EPHA5: variants seen among roughly 807,000 people sequenced by gnomAD.
EPHA5 encodes the protein ephrin type-A receptor 5.
EPHA5 carries 60 observed loss-of-function variants against 105.0 expected under a neutral mutation model. The ratio of observed to expected loss-of-function variants is 0.57; its 90% CI spans 0.46 to 0.71. EPHA5 has a LOEUF of 0.71. EPHA5 is among the 30% of genes least tolerant of loss of function. The pLI is 0.00. For synonymous variants in EPHA5, 513 were observed against 449.1 expected (o/e 1.14, Z -1.80); for missense variants, 1,218 against 1,274.7 (o/e 0.96, Z 0.68).
intron 8 of EPHA5, among the ~76,000 whole-genome samples, chr4:65,370,475 AC>A (rs1289122243): frequency 6.6e-6 from 1 of 152,164 alleles, no homozygotes; most frequent in Non-Finnish European, 1.5e-5. Context: ...TTCTACAGAG[AC>A]CTGAAAGCTA....
At chr4:65,506,405 G>A (rs1488804481) in intron 3 of EPHA5, among the ~76,000 whole-genome samples, 3 of 145,692 alleles carry the variant, frequency 2.1e-5, no homozygotes, top group Non-Finnish European at 3.0e-5. Context: ...TCTAGTTCTA[G>A]ATCCCTGAGG....
chr4:65,601,635 T>A lies in EPHA5; in HGVS notation c.910+6A>T. ...AGCCCCTGCAGATCTGGAGGCAAAC[T>A]CTTACCTTGACAGGTGCCATTTTTC... On this transcript the variant is annotated splice_donor_region_variant and intron_variant, in intron 3 of 16. Transcript: ENST00000613740. The A allele has an allele frequency of 6.2e-7, 1 of 1,611,202 alleles. No homozygotes were observed. Among genetic ancestry groups the A allele is most frequent in the Non-Finnish European group, 8.5e-7 (1 of 1,177,832 alleles).
chr4:65,516,181 C>G lies in EPHA5; in HGVS notation c.911-20638G>C, dbSNP rs1300639860. ...ATCGACCTATAACTTTTGACTCCCC[C>G]AAAACTTAACTACTAACAGTCTACT... is the stretch of plus-strand genomic sequence containing the variant. On this transcript the variant is annotated intron_variant, in intron 3 of 16. Transcript: ENST00000613740. Among the ~76,000 whole-genome samples, 3 of 152,134 alleles carry G rather than the reference C, an allele frequency of 2.0e-5. No homozygotes were observed. The East Asian group carries it at 5.8e-4, about 29-fold the overall frequency.
At chr4:65,370,228 C>T (rs1718323759) in intron 8 of EPHA5, among the ~76,000 whole-genome samples, 1 of 152,028 alleles carries the variant, frequency 6.6e-6, no homozygotes, top group Non-Finnish European at 1.5e-5. Context: ...GAAACAAATA[C>T]ATTAAACCAT....
intron 1 of EPHA5, among the ~76,000 whole-genome samples, chr4:65,665,398 A>G (rs1749881799): frequency 6.6e-6 from 1 of 152,064 alleles, no homozygotes; most frequent in Admixed American, 6.6e-5. Context: ...TATTTAATTA[A>G]AAAGTTTGGA....
At chr4:65,349,901 C>A (rs1445707316) in intron 13 of EPHA5, among the ~76,000 whole-genome samples, 3 of 152,088 alleles carry the variant, frequency 2.0e-5, no homozygotes. Flanking sequence ...ATCCTCTGAT[C>A]ATCCTTCATG....
At chr4:65,350,426 A>G (rs1722708662) in intron 13 of EPHA5, among the ~76,000 whole-genome samples, 1 of 152,108 alleles carries the variant, frequency 6.6e-6, no homozygotes, top group Admixed American at 6.6e-5. Flanking sequence ...CAGTGGATGT[A>G]ATTTTTAAAA....
At chr4:65,364,990 A>G (rs1262892223) in intron 11 of EPHA5, 27 bp downstream of exon 11, 1 of 1,593,292 alleles carries the variant, frequency 6.3e-7, no homozygotes. Context: ...ATATGCACAC[A>G]CATGTATAAT....
chr4:65,509,033 T>C (rs144819175), intron 3 of EPHA5, among the ~76,000 whole-genome samples: 31 of 152,268 alleles, frequency 2.0e-4, no homozygotes, highest in Non-Finnish European at 2.8e-4. Flanking sequence ...CTCTTTTGAA[T>C]TGAAAATCTT....
At chr4:65,632,287 T>C (rs1446846699) in intron 2 of EPHA5, among the ~76,000 whole-genome samples, 2 of 152,034 alleles carry the variant, frequency 1.3e-5, no homozygotes, top group African/African-American at 4.8e-5. Context: ...AGTAGCCCCA[T>C]TGTTGTGTTT....
chr4:65,342,177 GTT>G (rs1721794669), intron 14 of EPHA5, among the ~76,000 whole-genome samples: 2 of 139,060 alleles, frequency 1.4e-5, no homozygotes, highest in South Asian at 4.7e-4. Context: ...TGTTGTTGTT[GTT>G]AAACATCCAG....
intron 3 of EPHA5, among the ~76,000 whole-genome samples, chr4:65,590,343 G>A (rs1742517948): frequency 6.6e-6 from 1 of 152,078 alleles, no homozygotes; most frequent in South Asian, 2.1e-4. Flanking sequence ...AAGCACCAAA[G>A]AGAATCAAAT....
chr4:65,513,569 TAG>T (rs1308465722), intron 3 of EPHA5, among the ~76,000 whole-genome samples: 1 of 151,966 alleles, frequency 6.6e-6, no homozygotes, highest in African/African-American at 2.4e-5. Context: ...GTGATCTCAG[TAG>T]AGAGGGGGGT....
chr4:65,434,015 A>T (rs36057609), intron 5 of EPHA5, among the ~76,000 whole-genome samples: 2,546 of 152,288 alleles, frequency 0.017, 41 homozygotes, highest in Non-Finnish European at 0.028. Flanking sequence ...AAATCGTGCC[A>T]CTGCACCCCA....
Position 65,574,001 on chromosome 4 carries a change from C to T in EPHA5, c.910+27640G>A, listed in dbSNP as rs1740522309. ...TATTACTTGTGACTGGACCTCTGGT[C>T]CTCAATCGAGTTCCTCTATGAAGAA... On this transcript the variant is annotated intron_variant, in intron 3 of 16. Transcript: ENST00000613740. 3 of 1,596,712 alleles carry T rather than the reference C, an allele frequency of 1.9e-6. No individual in the cohort carries two copies. In the South Asian group the frequency reaches 3.3e-5, roughly 18 times the overall value.
intron 5 of EPHA5, among the ~76,000 whole-genome samples, chr4:65,440,819 G>A (rs1383183589): frequency 1.3e-5 from 2 of 152,026 alleles, no homozygotes; most frequent in Non-Finnish European, 2.9e-5. Context: ...GCCATTTTTA[G>A]TGGCCCATCT....
At chr4:65,531,502 A>T (rs147488731) in intron 3 of EPHA5, among the ~76,000 whole-genome samples, 10,335 of 144,288 alleles carry the variant, frequency 0.072, 478 homozygotes, top group Middle Eastern at 0.14. Context: ...GATCATAAAG[A>T]GGATATACTG....
In EPHA5 at chr4:65,576,064, A is replaced by AAAG. The variant is rs1560721203; in HGVS notation, c.910+25576_910+25577insCTT. 1.4e-3 allele frequency among the ~76,000 whole-genome samples: 101 copies of AAAG among 74,176 alleles called. 1 individual carries two copies. Among genetic ancestry groups the AAAG allele is most frequent in the East Asian group, 7.5e-3 (14 of 1,870 alleles). The allele number at this position is 74,176 out of a possible 152,430, so 48.7% of individuals were successfully genotyped here. A position where few individuals can be genotyped will look rare whatever the true frequency, so the allele number is the denominator to read the frequency against. ...AAAGAAAGAAAGAAAGAAAGAAAAG[A>AAAG]AAAGAAAAGAAAAGAAAAGAAAAGA... On this transcript the variant is annotated intron_variant, in intron 3 of 16. Transcript: ENST00000613740.
intron 2 of EPHA5, among the ~76,000 whole-genome samples, chr4:65,639,427 C>T (rs930521908): frequency 2.0e-5 from 3 of 152,124 alleles, no homozygotes; most frequent in Non-Finnish European, 2.9e-5. Context: ...GCCTTCTGGA[C>T]CCCATTATTT....
Sources: allele counts gnomAD v4.1 joint callset (sites outside exome capture counted in the v4.1 genomes callset), GRCh38; gene constraint gnomAD v4.1.1; transcripts MANE v1.5; gene names NCBI Gene and HGNC (gene_info 2026-07-23, HGNC 2026-07-21).